Variants in CLHC1 observed in about 807,000 individuals in gnomAD.
The protein encoded by CLHC1 is clathrin heavy chain linker domain containing 1.
Under a neutral mutation model 69.5 loss-of-function variants are expected in CLHC1, and 72 were observed. The observed-to-expected ratio is 1.04, with a 90% CI of 0.86 to 1.26. The LOEUF is 1.26. Ranked by LOEUF, CLHC1 falls within the 50% of genes most tolerant of loss-of-function variation. The pLI is 0.00. For missense variants in CLHC1, 790 were observed against 679.3 expected (o/e 1.16, Z -1.81); for synonymous variants, 223 against 224.3 (o/e 0.99, Z 0.05).
At chr2:55,207,464 G>A (rs1289157320) in intron 8 of CLHC1, among the ~76,000 whole-genome samples, 1 of 152,146 alleles carries the variant, frequency 6.6e-6, no homozygotes, top group Non-Finnish European at 1.5e-5. Flanking sequence ...ACTTACAGAA[G>A]CATTACAGTG....
At chr2:55,183,631 C>T (rs1011168048) in intron 9 of CLHC1, among the ~76,000 whole-genome samples, 1 of 152,168 alleles carries the variant, frequency 6.6e-6, no homozygotes, top group South Asian at 2.1e-4. Flanking sequence ...CTTCTCAACT[C>T]TCAGATATAC....
chr2:55,195,766 T>C (rs1027216613), intron 9 of CLHC1, among the ~76,000 whole-genome samples: 1 of 152,060 alleles, frequency 6.6e-6, no homozygotes, highest in African/African-American at 2.4e-5. Context: ...ACCACTGCAC[T>C]CCAGCCTGGG....
chr2:55,219,373 C>A (rs1192642907), intron 3 of CLHC1, among the ~76,000 whole-genome samples: 3 of 152,142 alleles, frequency 2.0e-5, no homozygotes, highest in African/African-American at 7.2e-5. Flanking sequence ...ACTGGCATAT[C>A]ACAGGTTGAA....
intron 4 of CLHC1, 43 bp from the exon 5 acceptor site, chr2:55,212,849 A>G (rs1161863540): frequency 6.9e-7 from 1 of 1,444,368 alleles, no homozygotes; most frequent in Non-Finnish European, 9.7e-7. Context: ...AACTAACTTA[A>G]TTCTTGAACC....
intron 9 of CLHC1, among the ~76,000 whole-genome samples, chr2:55,184,962 A>ACACACACAC (rs5831342): frequency 2.8e-5 from 4 of 141,658 alleles, no homozygotes; most frequent in South Asian, 4.6e-4. Context: ...ACACACACAC[A>ACACACACAC]AAGATTTCCT....
At chr2:55,200,733 T>C (rs1042039488) in intron 9 of CLHC1, among the ~76,000 whole-genome samples, 4 of 152,196 alleles carry the variant, frequency 2.6e-5, no homozygotes, top group African/African-American at 4.8e-5. Flanking sequence ...ATACACATTC[T>C]TCTTCTTAGC....
In CLHC1 at chr2:55,172,820, A is replaced by T. The variant is rs1441374735; in HGVS notation, c.*2970T>A. ...TTCACCTTTTAAAGTTAAAAAAGTG[A>T]TTAATTTAATGGTCATTTCTTAGTT... is the stretch of plus-strand genomic sequence containing the variant. On this transcript the variant is annotated 3_prime_UTR_variant, in exon 13 of 13. Coordinates refer to ENST00000401408, the MANE Select transcript of CLHC1 (RefSeq NM_152385.4). Among the ~76,000 whole-genome samples, 10 of 152,078 alleles carry T rather than the reference A, an allele frequency of 6.6e-5. No individual in the cohort carries two copies. Among genetic ancestry groups the T allele is most frequent in the Admixed American group, 6.5e-4 (10 of 15,272 alleles).
chr2:55,196,765 T>A (rs1451115119), intron 9 of CLHC1, among the ~76,000 whole-genome samples: 1 of 152,172 alleles, frequency 6.6e-6, no homozygotes, highest in Admixed American at 6.6e-5. Context: ...CCCAGCACAT[T>A]CCCAGCTGTA....
intron 9 of CLHC1, among the ~76,000 whole-genome samples, chr2:55,183,780 TTTTC>T (rs1448772829): frequency 3.3e-5 from 5 of 152,192 alleles, no homozygotes; most frequent in African/African-American, 4.8e-5. Context: ...CCTAGTTTTC[TTTTC>T]TTTATTTCTT....
rs114553113 is a variant in CLHC1, at chr2:55,227,315, A to G, written c.-83+717T>C. Among the ~76,000 whole-genome samples the G allele has an allele frequency of 4.5e-3, 680 of 151,736 alleles. 3 individuals carry two copies. Among genetic ancestry groups the G allele is most frequent in the Middle Eastern group, 0.031 (9 of 294 alleles). On this transcript the variant is annotated intron_variant, in intron 2 of 12. Transcript: ENST00000401408. ...CACAGCTAGGAATTCGGCAATAAGT[A>G]AGATAAGGTCCCTGGCTCCTTGAAG...
At chr2:55,184,915 A>C (rs1215251716) in intron 9 of CLHC1, among the ~76,000 whole-genome samples, 2 of 106,470 alleles carry the variant, frequency 1.9e-5, no homozygotes, top group East Asian at 5.1e-4. Flanking sequence ...AAAAAAAAAA[A>C]CAAAACACAC....
chr2:55,223,437 C>A (rs567167376), intron 2 of CLHC1, among the ~76,000 whole-genome samples: 1 of 152,096 alleles, frequency 6.6e-6, no homozygotes, highest in Non-Finnish European at 1.5e-5. Flanking sequence ...CTGGCGGGGG[C>A]GAGCGCGCTG....
chr2:55,186,363 C>A (rs1670412092), intron 9 of CLHC1, among the ~76,000 whole-genome samples: 1 of 152,150 alleles, frequency 6.6e-6, no homozygotes, highest in Admixed American at 6.5e-5. Flanking sequence ...TCACACAAAT[C>A]AAAGCACATC....
intron 11 of CLHC1, among the ~76,000 whole-genome samples, chr2:55,178,835 C>T (rs971035280): frequency 6.6e-6 from 1 of 151,894 alleles, no homozygotes; most frequent in African/African-American, 2.4e-5. Context: ...GATGGGGTCC[C>T]ACTATGTTGC....
chr2:55,203,537 G>C (rs1459759153), intron 9 of CLHC1, among the ~76,000 whole-genome samples: 2 of 152,194 alleles, frequency 1.3e-5, no homozygotes, highest in East Asian at 3.9e-4. Context: ...TTTTGACAAA[G>C]GTGACAAGAA....
rs1049183376 is a variant in CLHC1 at position 55,173,381 on chromosome 2, G to A, written c.*2409C>T. The stretch of plus-strand genomic sequence containing the variant: ...CTAGCAGAAATTGTGTGCAAAACAG[G>A]TATTCGGTAGATGTTGTTGATGCTG... On this transcript the variant is annotated 3_prime_UTR_variant, in exon 13 of 13. Transcript: ENST00000401408. Among the ~76,000 whole-genome samples the A allele has an allele frequency of 6.6e-6, 1 of 152,186 alleles. No individual in the cohort carries two copies.
intron 10 of CLHC1, among the ~76,000 whole-genome samples, chr2:55,180,992 A>G (rs1669881811): frequency 6.6e-6 from 1 of 152,006 alleles, no homozygotes; most frequent in Non-Finnish European, 1.5e-5. Context: ...ATATATATAT[A>G]TATTTTTAGA....
rs753282009 is a variant in CLHC1 at position 55,217,903 on chromosome 2, A to T, written c.273T>A (p.Thr91=). ...TAAGTTTTCCATGAAGACAAAATGT[A>T]GTTCTTCGGTCTTTCTTTATTGTCT... is the stretch of plus-strand genomic sequence containing the variant. ...FIETIKKDRR[T]TFCLHGKLKG... Residue 91 remains threonine, a synonymous_variant, in exon 4 of 13, where the codon ACT becomes ACA. Coordinates refer to ENST00000401408, the MANE Select transcript of CLHC1 (RefSeq NM_152385.4). The T allele has an allele frequency of 6.2e-7, 1 of 1,603,968 alleles. No individual in the cohort carries two copies. Among genetic ancestry groups the T allele is most frequent in the East Asian group, 2.3e-5 (1 of 44,068 alleles).
chr2:55,223,401 A>C (rs1257085920), intron 2 of CLHC1, among the ~76,000 whole-genome samples: 2 of 152,122 alleles, frequency 1.3e-5, no homozygotes, highest in Non-Finnish European at 2.9e-5. Context: ...TGCCGCTTTC[A>C]GTAAAGAATC....
Sources: gnomAD v4.1 joint callset for allele counts (sites outside exome capture counted in the v4.1 genomes callset) on GRCh38, gnomAD v4.1.1 for gene constraint, MANE v1.5 for transcripts, NCBI Gene and HGNC (gene_info 2026-07-23, HGNC 2026-07-21) for gene names.